Variants in NCKAP5 observed in about 807,000 individuals in gnomAD.
The protein encoded by NCKAP5 is NCK associated protein 5.
Under a neutral mutation model 167.0 loss-of-function variants are expected in NCKAP5, and 92 were observed. The observed-to-expected ratio is 0.55, with a 90% CI of 0.47 to 0.66. The LOEUF (loss-of-function observed/expected upper bound fraction) is 0.66, where lower values mean the gene tolerates loss of function less well. Among genes scored for constraint, NCKAP5 ranks in the 30% least tolerant of loss-of-function variants. The probability of loss-of-function intolerance (pLI) is 0.00; values close to 1 mark genes in which losing one functional copy is unlikely to be tolerated. For synonymous variants in NCKAP5, 891 were observed against 877.4 expected, an observed-to-expected ratio of 1.02 and a Z score of -0.27; for missense variants, 2,378 against 2,315.0, an observed-to-expected ratio of 1.03 and a Z score of -0.56.
intron 16 of NCKAP5, among the ~76,000 whole-genome samples, chr2:132,750,593 G>A (rs16840638): frequency 0.028 from 4,301 of 152,226 alleles, 172 homozygotes; most frequent in East Asian, 0.16. Context: ...TAATAGGAGG[G>A]TAACCATGGT....
chr2:133,658,878 T>C, the NCKAP5 span, among the ~76,000 whole-genome samples: 1 of 151,972 alleles, frequency 6.6e-6, no homozygotes, highest in Non-Finnish European at 1.5e-5. Context: ...ATACTGACTT[T>C]TGAGGTCATC....
At chr2:133,021,708 T>C (rs1259874371) in intron 6 of NCKAP5, among the ~76,000 whole-genome samples, 2 of 152,214 alleles carry the variant, frequency 1.3e-5, no homozygotes, top group Non-Finnish European at 2.9e-5. Context: ...CTCAGTTCAC[T>C]ACACCTCTGC....
chr2:132,678,884 C>G (rs1291492759), intron 19 of NCKAP5, among the ~76,000 whole-genome samples: 1 of 152,054 alleles, frequency 6.6e-6, no homozygotes, highest in East Asian at 1.9e-4. Context: ...TGTGTAAGCC[C>G]TCTGACCCTT....
At chr2:133,605,074 G>T in the NCKAP5 span, among the ~76,000 whole-genome samples, 4 of 152,152 alleles carry the variant, frequency 2.6e-5, no homozygotes, top group African/African-American at 4.8e-5. Context: ...AATTAATACA[G>T]ATTTATCTAC....
At chr2:133,548,937 T>C (rs1460315128) in intron 2 of NCKAP5, among the ~76,000 whole-genome samples, 11 of 151,778 alleles carry the variant, frequency 7.2e-5, no homozygotes, top group African/African-American at 2.2e-4. Flanking sequence ...GACGGGCAAA[T>C]TGGATCAAGA....
At chr2:133,438,523 C>T (rs983931363) in intron 3 of NCKAP5, among the ~76,000 whole-genome samples, 5 of 152,116 alleles carry the variant, frequency 3.3e-5, no homozygotes, top group Non-Finnish European at 7.4e-5. Context: ...TAGATAACTT[C>T]GCATAAAGTA....
In NCKAP5 at chr2:133,121,295, G is replaced by T. The variant is rs529440929; in HGVS notation, c.341+8683C>A. 1.6e-4 allele frequency among the ~76,000 whole-genome samples: 25 copies of T among 152,158 alleles called. 1 individual carries two copies. The East Asian group carries it at 4.1e-3, about 25-fold the overall frequency. On this transcript the variant is annotated intron_variant, in intron 6 of 19. Transcript: ENST00000409261. ...AGAAACTTAAAAGACATATCCAGTT[G>T]TTTTTTTAACAGATGCACAAGACTA...
intron 19 of NCKAP5, among the ~76,000 whole-genome samples, chr2:132,679,211 G>C (rs895006132): frequency 1.3e-5 from 2 of 152,158 alleles, no homozygotes; most frequent in African/African-American, 4.8e-5. Context: ...GCAGCCCTGG[G>C]CTGGGAAACA....
chr2:133,573,166 G>T (rs1032312602), upstream of NCKAP5, among the ~76,000 whole-genome samples: 3 of 152,178 alleles, frequency 2.0e-5, no homozygotes, highest in Non-Finnish European at 2.9e-5. Flanking sequence ...CAGATGTTAT[G>T]GTAGCCCTCT....
At chr2:133,663,644 G>A in the NCKAP5 span, among the ~76,000 whole-genome samples, 1 of 152,154 alleles carries the variant, frequency 6.6e-6, no homozygotes, top group African/African-American at 2.4e-5. Context: ...TGGCTCATCT[G>A]TAAGAAGCAA....
chr2:133,598,155 G>T, the NCKAP5 span, among the ~76,000 whole-genome samples: 3 of 152,216 alleles, frequency 2.0e-5, no homozygotes, highest in Non-Finnish European at 4.4e-5. Context: ...AATGAGGATG[G>T]TAAGAGTGCC....
intron 3 of NCKAP5, among the ~76,000 whole-genome samples, chr2:133,511,951 G>A (rs1362850056): frequency 6.6e-6 from 1 of 152,180 alleles, no homozygotes; most frequent in Non-Finnish European, 1.5e-5. Flanking sequence ...AAGGGACTGA[G>A]ATTAGACTAG....
chr2:132,714,911 G>A, intron 19 of NCKAP5: 1 of 455,964 alleles, frequency 2.2e-6, no homozygotes, highest in Non-Finnish European at 4.4e-6. Flanking sequence ...CCAGCCAAAG[G>A]GCTCATGGCT....
intron 3 of NCKAP5, among the ~76,000 whole-genome samples, chr2:133,331,051 C>CA: frequency 6.6e-6 from 1 of 151,972 alleles, no homozygotes; most frequent in Non-Finnish European, 1.5e-5. Context: ...AATATGTGTG[C>CA]AAAAGTATGT....
intron 5 of NCKAP5, among the ~76,000 whole-genome samples, chr2:133,209,638 G>A (rs2086117392): frequency 6.6e-6 from 1 of 151,890 alleles, no homozygotes; most frequent in Admixed American, 6.6e-5. Context: ...AGAAAATGCA[G>A]TGTGGTACCC....
At chr2:132,794,261 T>TAGAG (rs1558788112) in intron 12 of NCKAP5, among the ~76,000 whole-genome samples, 17 of 23,500 alleles carry the variant, frequency 7.2e-4, no homozygotes, top group Non-Finnish European at 8.9e-4. Flanking sequence ...TATATATATA[T>TAGAG]ATAGAGAGAG....
At chr2:133,424,972 G>A (rs1022373593) in intron 3 of NCKAP5, among the ~76,000 whole-genome samples, 2 of 152,208 alleles carry the variant, frequency 1.3e-5, no homozygotes, top group East Asian at 3.8e-4. Flanking sequence ...TCTGGGCCTT[G>A]TGAATTTTAA....
chr2:133,297,239 G>A (rs77288767), intron 4 of NCKAP5, among the ~76,000 whole-genome samples: 5,612 of 150,686 alleles, frequency 0.037, 344 homozygotes, highest in African/African-American at 0.13. Flanking sequence ...ATACAGAGCA[G>A]ATTAAACTCA....
chr2:132,787,461 C>A (rs1041131035), intron 13 of NCKAP5, among the ~76,000 whole-genome samples: 17 of 152,088 alleles, frequency 1.1e-4, no homozygotes, highest in Admixed American at 1.0e-3. Context: ...CTCCTCCCTG[C>A]CCCACACGCT....
Sources: gnomAD v4.1 joint callset for allele counts (sites outside exome capture counted in the v4.1 genomes callset) on GRCh38, gnomAD v4.1.1 for gene constraint, MANE v1.5 for transcripts, NCBI Gene and HGNC (gene_info 2026-07-23, HGNC 2026-07-21) for gene names.